The following DOCK5 variants were observed in gnomAD, a reference collection of about 807,000 sequenced individuals.
DOCK5 encodes the protein dedicator of cytokinesis protein 5.
DOCK5 carries 142 observed loss-of-function variants against 251.8 expected under a neutral mutation model. The observed-to-expected ratio is 0.56, with a 90% CI of 0.49 to 0.65. The LOEUF (loss-of-function observed/expected upper bound fraction) is 0.65. Ranked by LOEUF, DOCK5 falls within the 30% of genes least tolerant of loss-of-function variation. The pLI, the probability that DOCK5 is intolerant of heterozygous loss-of-function variation, is 0.00. For missense variants in DOCK5, 2,111 were observed against 2,312.3 expected (o/e 0.91, Z 1.79); for synonymous variants, 842 against 835.5 (o/e 1.01, Z -0.13).
At chr8:25,381,828 A>G (rs922773685) in intron 39 of DOCK5, among the ~76,000 whole-genome samples, 1 of 151,964 alleles carries the variant, frequency 6.6e-6, no homozygotes, top group African/African-American at 2.4e-5. Flanking sequence ...TGCTTTCTTT[A>G]AGGCTGACCT....
At chr8:25,303,272 C>A (rs766541904) in intron 10 of DOCK5, among the ~76,000 whole-genome samples, 1 of 152,168 alleles carries the variant, frequency 6.6e-6, no homozygotes, top group Non-Finnish European at 1.5e-5. Context: ...TTTCTTTCCC[C>A]CTTAGTGCCC....
chr8:25,370,992 G>A (rs894873797), intron 34 of DOCK5, among the ~76,000 whole-genome samples: 4 of 152,048 alleles, frequency 2.6e-5, no homozygotes, highest in Non-Finnish European at 5.9e-5. Flanking sequence ...CATTCAGGTT[G>A]TAACTACTCT....
chr8:25,360,814 G>A (rs529587076), intron 28 of DOCK5, among the ~76,000 whole-genome samples: 7 of 152,198 alleles, frequency 4.6e-5, no homozygotes, highest in African/African-American at 1.7e-4. Context: ...CAGAGAGCAG[G>A]CAAAATAGGG....
At chr8:25,373,228 G>A (rs371732967) in intron 35 of DOCK5, among the ~76,000 whole-genome samples, 3 of 151,990 alleles carry the variant, frequency 2.0e-5, no homozygotes, top group South Asian at 4.1e-4. Flanking sequence ...TCGATCTCCT[G>A]ACCTCATGAT....
At chr8:25,286,136 C>G (rs115443862) in intron 5 of DOCK5, among the ~76,000 whole-genome samples, 1 of 151,964 alleles carries the variant, frequency 6.6e-6, no homozygotes. Context: ...CTCTTCTTCC[C>G]GGGGTCCCTG....
rs1506869 is a variant in DOCK5 at position 25,411,586 on chromosome 8, C to A, written c.*288C>A. ...CACCATTGTTAAATGTCAGCCTGTACGGCAGAGACATGGTGGTCTGCACAA... is the reference window on the plus strand; with the variant it reads ...CACCATTGTTAAATGTCAGCCTGTAAGGCAGAGACATGGTGGTCTGCACAA... On this transcript the variant is annotated 3_prime_UTR_variant, in exon 52 of 52. Transcript: ENST00000276440. 0.24 allele frequency: 72,183 copies of A among 297,796 alleles called. 10,509 individuals carry two copies. Among genetic ancestry groups the A allele is most frequent in the East Asian group, 0.54 (9,100 of 16,938 alleles). 18.4% of individuals were successfully genotyped at this position (297,796 alleles called of 1,614,324 possible).
At position 25,362,462 on chromosome 8, in the gene DOCK5, CTTTTTTT is replaced by C. The variant is rs869096662; in HGVS notation, c.2950-569_2950-563del. 7.3e-5 allele frequency among the ~76,000 whole-genome samples: 4 copies of C among 54,644 alleles called. No individual in the cohort carries two copies. The East Asian group carries it at 1.5e-3, about 20-fold the overall frequency. 35.8% of individuals were successfully genotyped at this position (54,644 alleles called of 152,430 possible). A position where few individuals can be genotyped will look rare whatever the true frequency, so the allele number is the denominator to read the frequency against. ...TTTTTCTTTTCTTTTCTTTTCTTTT[CTTTTTTT>C]TTTTTTTTTTTTTTTGAGATAGAGT... On this transcript the variant is annotated intron_variant, in intron 28 of 51. Transcript: ENST00000276440.
At chr8:25,366,617 A>C (rs541754038) in intron 30 of DOCK5, among the ~76,000 whole-genome samples, 1 of 152,218 alleles carries the variant, frequency 6.6e-6, no homozygotes, top group Non-Finnish European at 1.5e-5. Flanking sequence ...AAATAGATAC[A>C]CTTCTTGGCA....
chr8:25,237,992 C>G (rs1354336796), intron 1 of DOCK5, among the ~76,000 whole-genome samples: 2 of 152,200 alleles, frequency 1.3e-5, no homozygotes, highest in African/African-American at 4.8e-5. Context: ...TCCCATTTCT[C>G]TAGCTTTCTC....
chr8:25,349,274 C>G (rs535407441), intron 26 of DOCK5, among the ~76,000 whole-genome samples: 2 of 151,978 alleles, frequency 1.3e-5, no homozygotes, highest in South Asian at 4.2e-4. Flanking sequence ...ATTATTAGTA[C>G]GACGACTATG....
chr8:25,190,885 G>A (rs974501275), intron 1 of DOCK5, among the ~76,000 whole-genome samples: 3 of 145,526 alleles, frequency 2.1e-5, no homozygotes, highest in Non-Finnish European at 4.5e-5. Context: ...CCGGGTTCAC[G>A]CCATTCTCCT....
chr8:25,199,758 G>C (rs1232955842), intron 1 of DOCK5, among the ~76,000 whole-genome samples: 2 of 152,208 alleles, frequency 1.3e-5, no homozygotes, highest in Admixed American at 1.3e-4. Flanking sequence ...TTCTCATGCA[G>C]AGACAATCAC....
chr8:25,310,473 T>G lies in DOCK5; in HGVS notation c.1259T>G (p.Leu420Trp), dbSNP rs1177144429. ...LTQVQKNFSH[L>W]VDRSTAIARK... ...CAGGTTCAGAAGAATTTTTCACACT[T>G]GGTTGATAGATCAACAGCAATAGCC... The change falls in exon 13 of 52, where the codon TTG becomes TGG. Residue 420 changes from leucine to tryptophan, a missense_variant. Physicochemically the swap from Leu to Trp is moderately conservative, Grantham distance 61 (BLOSUM62 -2). This residue lies in a region of DOCK5 where 1,717 missense variants were observed against 1,892.4 expected (regional missense o/e 0.91). Coordinates refer to ENST00000276440, the MANE Select transcript of DOCK5 (RefSeq NM_024940.8). The G allele has an allele frequency of 6.2e-7, 1 of 1,613,782 alleles. No individual in the cohort carries two copies.
At position 25,364,648 on chromosome 8, in the gene DOCK5, C is replaced by A; in HGVS notation, c.3067C>A (p.Gln1023Lys). Reference sequence around the variant, plus strand: ...CAGGGTTTTTCTCCGTGCTATAAATCAGTTTGCTGAAGTTCTCACAAGATT... The same window carrying A: ...CAGGGTTTTTCTCCGTGCTATAAATAAGTTTGCTGAAGTTCTCACAAGATT... ...QNRVFLRAIN[Q>K]FAEVLTRFFM... Residue 1023 changes from glutamine to lysine, a missense_variant, in exon 30 of 52, where the codon CAG becomes AAG. Gln to Lys is a moderately conservative substitution (Grantham distance 53). Coordinates refer to ENST00000276440, the MANE Select transcript of DOCK5 (RefSeq NM_024940.8). 1 of 1,601,340 alleles carries A rather than the reference C, an allele frequency of 6.2e-7. No individual in the cohort carries two copies.
At chr8:25,383,998 T>A (rs1403012931) in intron 40 of DOCK5, among the ~76,000 whole-genome samples, 2 of 152,208 alleles carry the variant, frequency 1.3e-5, no homozygotes, top group Non-Finnish European at 2.9e-5. Context: ...GCTTTAATCA[T>A]AGTCACCAAA....
chr8:25,300,428 C>G lies in DOCK5; in HGVS notation c.765-148C>G, dbSNP rs975788206. ...GTGGCCATCTGTGTGGTCCCAGTTC[C>G]CAACTCAGCTGTTTTCACACCGGCC... On this transcript the variant is annotated intron_variant, in intron 8 of 51. Transcript: ENST00000276440. 6.1e-6 allele frequency: 4 copies of G among 660,580 alleles called. No homozygotes were observed. In the South Asian group the frequency reaches 6.3e-5, roughly 10 times the overall value. The allele number at this position is 660,580 out of a possible 1,614,324, so 40.9% of individuals were successfully genotyped here.
chr8:25,260,226 C>T (rs1803538831), intron 2 of DOCK5, among the ~76,000 whole-genome samples: 1 of 152,180 alleles, frequency 6.6e-6, no homozygotes, highest in Non-Finnish European at 1.5e-5. Context: ...GCTTACCTGG[C>T]CCACAGGGGA....
At chr8:25,221,793 G>A (rs1802397795) in intron 1 of DOCK5, among the ~76,000 whole-genome samples, 1 of 152,172 alleles carries the variant, frequency 6.6e-6, no homozygotes, top group Non-Finnish European at 1.5e-5. Flanking sequence ...CCTCAGATTG[G>A]CAGAGGAGAA....
In DOCK5 at chr8:25,230,250, C is replaced by T. The variant is rs76005039; in HGVS notation, c.44-13424C>T. 4.9e-3 allele frequency among the ~76,000 whole-genome samples: 742 copies of T among 152,252 alleles called. 1 individual carries two copies. The highest frequency in any genetic ancestry group is 0.01 in the Middle Eastern group (3 of 294). ...GAGTTTTGCAATGTCATCTCTGAAC[C>T]AGGAGCACCAGTGGTATCTGAGAAT... On this transcript the variant is annotated intron_variant, in intron 1 of 51. Coordinates refer to ENST00000276440, the MANE Select transcript of DOCK5 (RefSeq NM_024940.8).
Sources: allele counts gnomAD v4.1 joint callset (sites outside exome capture counted in the v4.1 genomes callset), GRCh38; gene constraint gnomAD v4.1.1; regional missense constraint gnomAD v4.1.1; transcripts MANE v1.5; gene names NCBI Gene and HGNC (gene_info 2026-07-23, HGNC 2026-07-21).